The following CAPZA1 variants were observed in gnomAD, a reference collection of about 807,000 sequenced individuals.
CAPZA1 encodes the protein F-actin-capping protein subunit alpha-1.
In CAPZA1, 10 loss-of-function variants were observed where a neutral mutation model predicts 40.8. That is an observed-to-expected ratio of 0.25 (90% CI 0.15 to 0.42). CAPZA1 has a LOEUF of 0.42. Among genes scored for constraint, CAPZA1 ranks in the 10% least tolerant of loss-of-function variants. The pLI is 1.00. For missense variants in CAPZA1, 277 were observed against 353.8 expected (o/e 0.78, Z 1.74); for synonymous variants, 98 against 115.0 (o/e 0.85, Z 0.95).
At chr1:112,640,077 C>A (rs1671114762) in intron 1 of CAPZA1, among the ~76,000 whole-genome samples, 1 of 129,502 alleles carries the variant, frequency 7.7e-6, no homozygotes. Context: ...TCTGCCCGGC[C>A]GCCCCTACTG....
intron 1 of CAPZA1, among the ~76,000 whole-genome samples, chr1:112,641,610 C>T (rs932904957): frequency 6.6e-6 from 1 of 151,930 alleles, no homozygotes; most frequent in South Asian, 2.1e-4. Flanking sequence ...AAAACTGAGG[C>T]CGGGCGCAGT....
Position 112,669,616 on chromosome 1 carries a change from T to C in CAPZA1, c.720+11T>C, listed in dbSNP as rs1040628100. The C allele has an allele frequency of 1.7e-5, 27 of 1,562,538 alleles. No individual in the cohort carries two copies. Among genetic ancestry groups the C allele is most frequent in the Middle Eastern group, 2.0e-4 (1 of 5,092 alleles). ...GAAAATGAGTATCAGGTAAGAAGAT[T>C]TGGAGTTAATTTTCCTAGATCTACT... On this transcript the variant is annotated intron_variant, in intron 9 of 9. Transcript: ENST00000263168.
chr1:112,658,084 A>G (rs1671533750), intron 5 of CAPZA1, among the ~76,000 whole-genome samples: 3 of 152,216 alleles, frequency 2.0e-5, no homozygotes, highest in South Asian at 2.1e-4. Context: ...GTGAACTTCA[A>G]CTTCTTATCT....
At chr1:112,621,980 C>A (rs1362930568) in intron 1 of CAPZA1, among the ~76,000 whole-genome samples, 3 of 151,720 alleles carry the variant, frequency 2.0e-5, no homozygotes, top group African/African-American at 7.3e-5. Flanking sequence ...CCAGGCTGGT[C>A]TCGAACTCCT....
At chr1:112,622,235 A>G (rs1446602066) in intron 1 of CAPZA1, among the ~76,000 whole-genome samples, 1 of 152,196 alleles carries the variant, frequency 6.6e-6, no homozygotes, top group Admixed American at 6.5e-5. Flanking sequence ...ATATTTATGT[A>G]AAAGCTAGTA....
intron 3 of CAPZA1, among the ~76,000 whole-genome samples, chr1:112,651,653 T>G (rs1242753302): frequency 2.0e-5 from 3 of 152,208 alleles, no homozygotes; most frequent in Admixed American, 6.5e-5. Flanking sequence ...GTTGGTAATC[T>G]ATAGTCTTAG....
intron 1 of CAPZA1, among the ~76,000 whole-genome samples, chr1:112,634,175 G>A (rs1193850743): frequency 1.3e-5 from 2 of 152,128 alleles, no homozygotes; most frequent in Non-Finnish European, 2.9e-5. Context: ...ACCAGGATAA[G>A]AATAACATCC....
At chr1:112,655,965 TA>T (rs558455552) in intron 5 of CAPZA1, among the ~76,000 whole-genome samples, 169 of 152,344 alleles carry the variant, frequency 1.1e-3, no homozygotes, top group East Asian at 3.9e-3. Flanking sequence ...TTGATTAGAA[TA>T]TTTTTTATTT....
chr1:112,624,154 C>T (rs897780784), intron 1 of CAPZA1, among the ~76,000 whole-genome samples: 21 of 152,118 alleles, frequency 1.4e-4, no homozygotes, highest in Admixed American at 2.0e-4. Context: ...TGTTTTATTA[C>T]GACCAGGCTT....
At chr1:112,638,997 AT>A (rs1671082969) in intron 1 of CAPZA1, among the ~76,000 whole-genome samples, 2 of 144,564 alleles carry the variant, frequency 1.4e-5, no homozygotes, top group South Asian at 4.2e-4. Context: ...ATATATAATT[AT>A]ATATTATATA....
At position 112,670,364 on chromosome 1, in the gene CAPZA1, T is replaced by TTTTC. The variant is rs1671805641; in HGVS notation, c.*235_*236insCTTT. ...TATCTACGTGTAAATCTTTTTTTCTTTTTTTTTTTTTTTTTTTGGTTAATT... is the reference window on the plus strand; with the variant it reads ...TATCTACGTGTAAATCTTTTTTTCTTTTTCTTTTTTTTTTTTTTTTTGGTTAATT... On this transcript the variant is annotated 3_prime_UTR_variant, in exon 10 of 10. Coordinates refer to ENST00000263168, the MANE Select transcript of CAPZA1 (RefSeq NM_006135.3). The TTTTC allele has an allele frequency of 3.4e-6, 1 of 296,712 alleles. No homozygotes were observed. Among genetic ancestry groups the TTTTC allele is most frequent in the Non-Finnish European group, 6.1e-6 (1 of 164,094 alleles). 18.4% of individuals were successfully genotyped at this position (296,712 alleles called of 1,614,324 possible).
chr1:112,641,085 G>A (rs1323938455), intron 1 of CAPZA1, among the ~76,000 whole-genome samples: 2 of 152,000 alleles, frequency 1.3e-5, no homozygotes, highest in African/African-American at 4.8e-5. Context: ...CAAACGCTGC[G>A]GAAGGCCGCA....
At chr1:112,659,839 G>GGCTCAAGCCTGTAATCC in intron 7 of CAPZA1, 60 bp downstream of exon 7, 1 of 1,339,866 alleles carries the variant, frequency 7.5e-7, no homozygotes, top group Non-Finnish European at 1.1e-6. Context: ...TGTGCAGGTT[G>GGCTCAAGCCTGTAATCC]CTTTGGTATT....
At chr1:112,625,309 T>A (rs757070968) in intron 1 of CAPZA1, among the ~76,000 whole-genome samples, 2 of 152,152 alleles carry the variant, frequency 1.3e-5, no homozygotes, top group African/African-American at 2.4e-5. Context: ...TGTATATATA[T>A]ACTTGGAGCC....
rs200110073 is a variant in CAPZA1 at position 112,619,839 on chromosome 1, C to T, written c.-6C>T. The T allele has an allele frequency of 2.5e-3, 4,048 of 1,612,840 alleles. 8 individuals carry two copies. Among genetic ancestry groups the T allele is most frequent in the Non-Finnish European group, 3.1e-3 (3,644 of 1,179,414 alleles). On this transcript the variant is annotated 5_prime_UTR_variant, in exon 1 of 10. Transcript: ENST00000263168. The stretch of plus-strand genomic sequence containing the variant: ...CCGTAGCCGGGCTGGGCCAGAACAG[C>T]CCAAGATGGCCGACTTCGATGATCG...
intron 1 of CAPZA1, among the ~76,000 whole-genome samples, chr1:112,641,488 C>T (rs1467321529): frequency 2.0e-5 from 3 of 152,070 alleles, no homozygotes; most frequent in Admixed American, 6.5e-5. Context: ...ATATTATAAA[C>T]CCATGTCAAC....
intron 1 of CAPZA1, among the ~76,000 whole-genome samples, chr1:112,622,578 G>A (rs1670697700): frequency 6.6e-6 from 1 of 152,108 alleles, no homozygotes; most frequent in Non-Finnish European, 1.5e-5. Context: ...AGAGAATTTT[G>A]GGGGGCTGGA....
At chr1:112,635,577 G>T in intron 1 of CAPZA1, among the ~76,000 whole-genome samples, 1 of 146,920 alleles carries the variant, frequency 6.8e-6, no homozygotes, top group Non-Finnish European at 1.5e-5. Flanking sequence ...TTTGAGACGA[G>T]TAGCTGGGAT....
Position 112,654,482 on chromosome 1 carries a change from C to T in CAPZA1, c.237C>T (p.His79=), listed in dbSNP as rs540925939. 45 of 1,612,488 alleles carry T rather than the reference C, an allele frequency of 2.8e-5. No individual in the cohort carries two copies. Among genetic ancestry groups the T allele is most frequent in the African/African-American group, 2.5e-4 (19 of 74,974 alleles). ...TTTGGAAGGTCTTAATTACAGAGCA[C>T]GGTGACCTGGGTAATAGCAGATTTT... ...GYEDQVLITE[H]GDLGNSRFLD... Residue 79 remains histidine, a synonymous_variant, in exon 5 of 10, where the codon CAC becomes CAT. Transcript: ENST00000263168.
Sources: gnomAD v4.1 joint callset for allele counts (sites outside exome capture counted in the v4.1 genomes callset) on GRCh38, gnomAD v4.1.1 for gene constraint, MANE v1.5 for transcripts, NCBI Gene and HGNC (gene_info 2026-07-23, HGNC 2026-07-21) for gene names.